The following SPIRE1 variants were observed in gnomAD, a reference collection of about 807,000 sequenced individuals.
The protein encoded by SPIRE1 is spire type actin nucleation factor 1, also known as protein spire homolog 1.
A neutral mutation model predicts 94.1 loss-of-function variants in SPIRE1; 40 were observed. That is an observed-to-expected ratio of 0.43 (90% CI 0.33 to 0.55). The LOEUF (loss-of-function observed/expected upper bound fraction) is 0.55, where lower values mean the gene tolerates loss of function less well. Among genes scored for constraint, SPIRE1 ranks in the 20% least tolerant of loss-of-function variants. The pLI is 0.06. For missense variants in SPIRE1, 838 were observed against 975.2 expected, an observed-to-expected ratio of 0.86 and a Z score of 1.87; for synonymous variants, 376 against 371.7, an observed-to-expected ratio of 1.01 and a Z score of -0.13.
At position 12,603,362 on chromosome 18, in the gene SPIRE1, T is replaced by C. The variant is rs150814996; in HGVS notation, c.372+31700A>G. Among the ~76,000 whole-genome samples, 370 of 152,260 alleles carry C rather than the reference T, an allele frequency of 2.4e-3. 4 individuals carry two copies. Among genetic ancestry groups the C allele is most frequent in the Admixed American group, 6.8e-3 (104 of 15,290 alleles). On this transcript the variant is annotated intron_variant, in intron 2 of 16. Coordinates refer to ENST00000409402, the MANE Select transcript of SPIRE1 (RefSeq NM_001128626.2). ...AATACATATTTGGTCTTCATCCCTA[T>C]CTCCTGGCATACAACTCCTAGAATC...
chr18:12,642,339 G>C (rs1360929213), intron 1 of SPIRE1, among the ~76,000 whole-genome samples: 3 of 152,020 alleles, frequency 2.0e-5, no homozygotes, highest in Non-Finnish European at 4.4e-5. Context: ...TTCAGAAATG[G>C]AAGCTCCCAC....
chr18:12,488,485 C>T (rs946836123), intron 8 of SPIRE1, among the ~76,000 whole-genome samples: 7 of 152,100 alleles, frequency 4.6e-5, no homozygotes, highest in Admixed American at 4.6e-4. Flanking sequence ...TCCAGGGAGA[C>T]AGCCTCTAGA....
At chr18:12,561,768 A>G (rs916065540) in intron 2 of SPIRE1, among the ~76,000 whole-genome samples, 2 of 152,226 alleles carry the variant, frequency 1.3e-5, no homozygotes, top group Non-Finnish European at 1.5e-5. Flanking sequence ...TCAGAATCCT[A>G]TAATCAACAC....
intron 10 of SPIRE1, among the ~76,000 whole-genome samples, chr18:12,475,673 A>G (rs2032538518): frequency 6.6e-6 from 1 of 152,240 alleles, no homozygotes; most frequent in African/African-American, 2.4e-5. Flanking sequence ...TTTGTAAGAC[A>G]GCAAATATGA....
At chr18:12,535,318 T>G (rs1453132899) in intron 4 of SPIRE1, among the ~76,000 whole-genome samples, 158 bp downstream of exon 4, 1 of 152,228 alleles carries the variant, frequency 6.6e-6, no homozygotes, top group African/African-American at 2.4e-5. Flanking sequence ...CTAAGTTGCT[T>G]CTTTCCTAAA....
At chr18:12,502,937 A>G (rs1306247554) in intron 6 of SPIRE1, among the ~76,000 whole-genome samples, 2 of 151,948 alleles carry the variant, frequency 1.3e-5, no homozygotes, top group Non-Finnish European at 2.9e-5. Flanking sequence ...ATGAAACCAC[A>G]TCTCTACTAA....
chr18:12,613,331 T>A (rs1266613371), intron 2 of SPIRE1, among the ~76,000 whole-genome samples: 1 of 152,240 alleles, frequency 6.6e-6, no homozygotes, highest in Non-Finnish European at 1.5e-5. Flanking sequence ...CTACTCTGAC[T>A]AGCCTTTTAC....
chr18:12,559,305 G>A lies in SPIRE1; in HGVS notation c.373-12401C>T, dbSNP rs2035616986. ...CGGGCCAGCAGTGCTGGGGGACCCAGCGCACCCTCCACAGCTGCTGGCGCG... is the reference window on the plus strand; with the variant it reads ...CGGGCCAGCAGTGCTGGGGGACCCAACGCACCCTCCACAGCTGCTGGCGCG... On this transcript the variant is annotated intron_variant, in intron 2 of 16. Transcript: ENST00000409402. This position sits in a 1 kb window ranked among gnomAD's most constrained non-coding sequence, Gnocchi z 4.7. 6.6e-6 allele frequency among the ~76,000 whole-genome samples: 1 copy of A among 152,198 alleles called. No individual in the cohort carries two copies. The highest frequency in any genetic ancestry group is 1.5e-5 in the Non-Finnish European group (1 of 68,010).
intron 2 of SPIRE1, among the ~76,000 whole-genome samples, chr18:12,606,160 AT>A (rs900582866): frequency 1.0e-4 from 15 of 149,884 alleles, no homozygotes; most frequent in African/African-American, 3.7e-4. Flanking sequence ...CCCCCCCTTT[AT>A]TTTTCTTCAT....
At chr18:12,514,027 A>G (rs968211926) in intron 4 of SPIRE1, among the ~76,000 whole-genome samples, 3 of 151,980 alleles carry the variant, frequency 2.0e-5, no homozygotes, top group Admixed American at 2.0e-4. Flanking sequence ...TATTTTCTAC[A>G]GATAGGGTCT....
chr18:12,529,196 C>T (rs28571713), intron 4 of SPIRE1, among the ~76,000 whole-genome samples: 18,923 of 152,074 alleles, frequency 0.12, 1,453 homozygotes, highest in East Asian at 0.32. Context: ...GGTGAAACCC[C>T]GTCTCTACTA....
chr18:12,641,460 C>T (rs1022800342), intron 1 of SPIRE1, among the ~76,000 whole-genome samples: 1 of 151,948 alleles, frequency 6.6e-6, no homozygotes, highest in Admixed American at 6.6e-5. Context: ...CCTCCGTCTC[C>T]AGGGTTCAAG....
chr18:12,449,548 T>C lies in SPIRE1; in HGVS notation c.*90A>G. On this transcript the variant is annotated 3_prime_UTR_variant, in exon 17 of 17. Transcript: ENST00000409402. The stretch of plus-strand genomic sequence containing the variant: ...CTAATGCAAATTCAAGCCCATTAAA[T>C]AAAACCACAGAAAGGAGAGCCAGCC... The C allele has an allele frequency of 7.4e-7, 1 of 1,354,966 alleles. No homozygotes were observed. The highest frequency in any genetic ancestry group is 2.5e-5 in the Admixed American group (1 of 40,294). 83.9% of individuals were successfully genotyped at this position (1,354,966 alleles called of 1,614,324 possible). A position where few individuals can be genotyped will look rare whatever the true frequency, so the allele number is the denominator to read the frequency against.
chr18:12,474,816 C>G (rs756356653), intron 10 of SPIRE1, among the ~76,000 whole-genome samples: 1 of 151,906 alleles, frequency 6.6e-6, no homozygotes, highest in Non-Finnish European at 1.5e-5. Context: ...GAGGCTCCAT[C>G]TCAAAAAACC....
At chr18:12,497,119 C>T (rs112870506) in intron 6 of SPIRE1, among the ~76,000 whole-genome samples, 11 of 151,760 alleles carry the variant, frequency 7.2e-5, no homozygotes, top group Non-Finnish European at 1.5e-5. Flanking sequence ...CCACAAAAAC[C>T]TAGGTAATAG....
intron 4 of SPIRE1, among the ~76,000 whole-genome samples, chr18:12,517,015 T>C (rs533866840): frequency 2.6e-4 from 39 of 152,380 alleles, no homozygotes; most frequent in African/African-American, 9.1e-4. Context: ...GCACAAACTG[T>C]AGCTCAGATA....
intron 2 of SPIRE1, among the ~76,000 whole-genome samples, chr18:12,615,829 A>T (rs2037292309): frequency 6.6e-6 from 1 of 151,996 alleles, no homozygotes; most frequent in African/African-American, 2.4e-5. Flanking sequence ...AATAAAATAA[A>T]AGAGTCCTCT....
rs531578653 is a variant in SPIRE1, at chr18:12,654,380, C to CT, written c.337+3149dup. ...AAAAAAATTTGGCTGGGCACGGTGG[C>CT]TCACGCCTGTAATCCCAGCACTTTG... On this transcript the variant is annotated intron_variant, in intron 1 of 16. Transcript: ENST00000409402. 2.0e-4 allele frequency among the ~76,000 whole-genome samples: 30 copies of CT among 148,732 alleles called. No individual in the cohort carries two copies. The East Asian group carries it at 3.8e-3, about 19-fold the overall frequency.
At position 12,448,485 on chromosome 18, in the gene SPIRE1, T is replaced by TACC. The variant is rs1017068658; in HGVS notation, c.*1150_*1152dup. 4.6e-5 allele frequency: 7 copies of TACC among 152,308 alleles called. No homozygotes were observed. Among genetic ancestry groups the TACC allele is most frequent in the African/African-American group, 1.4e-4 (6 of 41,454 alleles). The allele number at this position is 152,308 out of a possible 1,614,324, so 9.4% of individuals were successfully genotyped here. ...CTGAGACATTTGAGGCATACAATGC[T>TACC]ACCCTCCAGTCTACTTTCGTCAGAA... is the stretch of plus-strand genomic sequence containing the variant. On this transcript the variant is annotated 3_prime_UTR_variant, in exon 17 of 17. Coordinates refer to ENST00000409402, the MANE Select transcript of SPIRE1 (RefSeq NM_001128626.2). This position sits in a 1 kb window ranked among gnomAD's most constrained non-coding sequence, Gnocchi z 4.4.
Sources: gnomAD v4.1 joint callset for allele counts (sites outside exome capture counted in the v4.1 genomes callset) on GRCh38, gnomAD v4.1.1 for gene constraint, Gnocchi (gnomAD v3.1) non-coding constraint, MANE v1.5 for transcripts, NCBI Gene and HGNC (gene_info 2026-07-23, HGNC 2026-07-21) for gene names.